Variants in SLC24A3 observed in about 807,000 individuals in gnomAD.
SLC24A3 encodes sodium/potassium/calcium exchanger 3.
A neutral mutation model predicts 75.8 loss-of-function variants in SLC24A3; 28 were observed. The ratio of observed to expected loss-of-function variants is 0.37; its 90% CI spans 0.27 to 0.51. SLC24A3 has a LOEUF of 0.51. SLC24A3 is among the 20% of genes least tolerant of loss of function. The pLI is 0.94. For synonymous variants in SLC24A3, 372 were observed against 334.1 expected (o/e 1.11, Z -1.24); for missense variants, 663 against 847.8 (o/e 0.78, Z 2.71).
chr20:19,250,279 AT>A (rs775839518), intron 1 of SLC24A3, among the ~76,000 whole-genome samples: 9 of 152,220 alleles, frequency 5.9e-5, no homozygotes, highest in Non-Finnish European at 8.8e-5. Flanking sequence ...ACTTGCACAA[AT>A]TTCCACTATC....
At chr20:19,454,089 G>A (rs969069009) in intron 2 of SLC24A3, among the ~76,000 whole-genome samples, 6 of 152,206 alleles carry the variant, frequency 3.9e-5, no homozygotes, top group Non-Finnish European at 8.8e-5. Context: ...AGGCAGACAT[G>A]CTGGGGGTTA....
At chr20:19,314,061 T>G (rs1239439733) in intron 2 of SLC24A3, among the ~76,000 whole-genome samples, 1 of 150,958 alleles carries the variant, frequency 6.6e-6, no homozygotes, top group Non-Finnish European at 1.5e-5. Flanking sequence ...TGGTCATTTA[T>G]CCAGCTCATG....
At chr20:19,481,917 T>A (rs1988060949) in intron 2 of SLC24A3, among the ~76,000 whole-genome samples, 1 of 152,046 alleles carries the variant, frequency 6.6e-6, no homozygotes, top group South Asian at 2.1e-4. Flanking sequence ...GCCATAGGCT[T>A]TTCAAATGCT....
intron 6 of SLC24A3, 46 bp downstream of exon 6, chr20:19,585,590 A>G (rs1600291096): frequency 1.3e-6 from 2 of 1,565,592 alleles, no homozygotes; most frequent in East Asian, 4.5e-5. Context: ...GACATTGGGG[A>G]AAGGGGAGGC....
intron 3 of SLC24A3, among the ~76,000 whole-genome samples, chr20:19,553,557 T>C (rs760731029): frequency 2.2e-4 from 33 of 152,264 alleles, no homozygotes; most frequent in Admixed American, 4.6e-4. Flanking sequence ...ATGTCTTTCA[T>C]ATGATGAAAG....
intron 12 of SLC24A3, among the ~76,000 whole-genome samples, chr20:19,689,572 G>A (rs1176848847): frequency 6.6e-6 from 1 of 152,072 alleles, no homozygotes. Context: ...ATGGCATAGA[G>A]GACATTCACA....
In SLC24A3 at chr20:19,614,581, G is replaced by A. The variant is rs186779769; in HGVS notation, c.612+29037G>A. On this transcript the variant is annotated intron_variant, in intron 6 of 16. Coordinates refer to ENST00000328041, the MANE Select transcript of SLC24A3 (RefSeq NM_020689.4). ...TTGCCCACTTAGCACATGTTATTCT[G>A]GGCCACAAAGATGGACTGTGGGCAC... is the stretch of plus-strand genomic sequence containing the variant. Among the ~76,000 whole-genome samples the A allele has an allele frequency of 3.2e-4, 49 of 152,300 alleles. No homozygotes were observed. In the East Asian group the frequency reaches 9.1e-3, roughly 28 times the overall value.
intron 2 of SLC24A3, among the ~76,000 whole-genome samples, chr20:19,325,152 C>G (rs774739339): frequency 4.0e-5 from 6 of 151,796 alleles, no homozygotes; most frequent in Non-Finnish European, 7.4e-5. Flanking sequence ...CCCAGGCTGG[C>G]TACAGTGGCT....
At chr20:19,579,902 A>G (rs1186346298) in intron 3 of SLC24A3, 98 bp from the exon 4 acceptor site, 3 of 782,708 alleles carry the variant, frequency 3.8e-6, no homozygotes, top group Non-Finnish European at 6.1e-6. Context: ...TGAATTCATG[A>G]TGACAGAAGA....
intron 2 of SLC24A3, among the ~76,000 whole-genome samples, chr20:19,506,430 C>A (rs1030252524): frequency 1.4e-4 from 21 of 151,938 alleles, no homozygotes; most frequent in African/African-American, 5.1e-4. Flanking sequence ...AGGACTTATG[C>A]CCTTAAAAAA....
At chr20:19,278,131 C>T (rs192980008) in intron 1 of SLC24A3, among the ~76,000 whole-genome samples, 28 of 152,332 alleles carry the variant, frequency 1.8e-4, no homozygotes, top group Admixed American at 1.5e-3. Flanking sequence ...TCACCTTGGA[C>T]ATCCATGTGG....
intron 2 of SLC24A3, among the ~76,000 whole-genome samples, chr20:19,359,070 A>G (rs1411681910): frequency 6.6e-6 from 1 of 152,184 alleles, no homozygotes; most frequent in Non-Finnish European, 1.5e-5. Context: ...AAATAGTGCT[A>G]CTGTGAACAT....
intron 9 of SLC24A3, among the ~76,000 whole-genome samples, chr20:19,677,686 C>CTTTTTTTTTTTTTTTTTTTTTTTT (rs796484728): frequency 1.8e-5 from 2 of 113,956 alleles, no homozygotes; most frequent in African/African-American, 3.3e-5. Context: ...TTTTTTTTTT[C>CTTTTTTTTTTTTTTTTTTTTTTTT]TTTTTTTTTT....
chr20:19,571,907 T>C (rs1044614191), intron 3 of SLC24A3, among the ~76,000 whole-genome samples: 6 of 152,314 alleles, frequency 3.9e-5, no homozygotes, highest in African/African-American at 1.4e-4. Context: ...CTCACTCCCC[T>C]CTTGTTTTAA....
chr20:19,330,158 T>G (rs1371692503), intron 2 of SLC24A3, among the ~76,000 whole-genome samples: 1 of 152,218 alleles, frequency 6.6e-6, no homozygotes, highest in Non-Finnish European at 1.5e-5. Flanking sequence ...CTTAGTTGCT[T>G]GCAGGGATGC....
intron 1 of SLC24A3, among the ~76,000 whole-genome samples, chr20:19,249,946 G>A (rs1251794093): frequency 6.6e-6 from 1 of 152,220 alleles, no homozygotes; most frequent in African/African-American, 2.4e-5. Flanking sequence ...TTTTCAGACA[G>A]TTGTTCTTTG....
chr20:19,516,886 G>A (rs2030002935), intron 3 of SLC24A3, among the ~76,000 whole-genome samples: 1 of 152,194 alleles, frequency 6.6e-6, no homozygotes, highest in Non-Finnish European at 1.5e-5. Flanking sequence ...GAGAAGACAT[G>A]GGCTTGAAGC....
rs552171307 is a variant in SLC24A3 at position 19,662,132 on chromosome 20, C to G, written c.688-3732C>G. On this transcript the variant is annotated intron_variant, in intron 7 of 16. Transcript: ENST00000328041. ...CATGTGGGTCAGAGGGCAGAGGCCC[C>G]CTGACCAGCTGGTGCTCAGCAGATC... Among the ~76,000 whole-genome samples, 9 of 152,302 alleles carry G rather than the reference C, an allele frequency of 5.9e-5. No individual in the cohort carries two copies. The East Asian group carries it at 1.7e-3, about 29-fold the overall frequency.
chr20:19,328,544 T>C (rs1984923216), intron 2 of SLC24A3, among the ~76,000 whole-genome samples: 1 of 152,018 alleles, frequency 6.6e-6, no homozygotes, highest in Non-Finnish European at 1.5e-5. Context: ...ATGGTTTGAA[T>C]TGGTGACAAC....
Sources: allele counts gnomAD v4.1 joint callset (sites outside exome capture counted in the v4.1 genomes callset), GRCh38; gene constraint gnomAD v4.1.1; transcripts MANE v1.5; gene names NCBI Gene and HGNC (gene_info 2026-07-23, HGNC 2026-07-21).